The following BRWD1 variants were observed in gnomAD, a reference collection of about 807,000 sequenced individuals.
The protein encoded by BRWD1 is bromodomain and WD repeat domain containing 1, also known as bromodomain and WD repeat-containing protein 1.
Under a neutral mutation model 251.2 loss-of-function variants are expected in BRWD1, and 82 were observed. That is an observed-to-expected ratio of 0.33 (90% CI 0.27 to 0.39). The LOEUF (loss-of-function observed/expected upper bound fraction) is 0.39. Ranked by LOEUF, BRWD1 falls within the 10% of genes least tolerant of loss-of-function variation. The probability of loss-of-function intolerance (pLI) is 1.00; values close to 1 mark genes in which losing one functional copy is unlikely to be tolerated. For missense variants in BRWD1, 2,233 were observed against 2,711.6 expected (o/e 0.82, Z 3.92); for synonymous variants, 918 against 902.8 (o/e 1.02, Z -0.30).
intron 21 of BRWD1, among the ~76,000 whole-genome samples, chr21:39,245,737 T>A (rs2034165860): frequency 6.6e-6 from 1 of 151,924 alleles, no homozygotes. Flanking sequence ...ATAGCTGGGA[T>A]CACATGCACC....
chr21:39,303,072 G>T (rs893854242), intron 4 of BRWD1, among the ~76,000 whole-genome samples: 1 of 152,030 alleles, frequency 6.6e-6, no homozygotes, highest in Non-Finnish European at 1.5e-5. Context: ...AAGATTACTA[G>T]CTCAAAGCGA....
chr21:39,265,895 G>A (rs112371931), intron 15 of BRWD1, among the ~76,000 whole-genome samples: 23 of 152,302 alleles, frequency 1.5e-4, no homozygotes, highest in African/African-American at 5.5e-4. Context: ...TATCATGAGT[G>A]TAACCTTAAA....
chr21:39,238,593 A>G lies in BRWD1; in HGVS notation c.2482-20T>C. 2.6e-6 allele frequency: 4 copies of G among 1,562,468 alleles called. No homozygotes were observed. The highest frequency in any genetic ancestry group is 3.5e-6 in the Non-Finnish European group (4 of 1,133,922). ...AGTCTCCTAATTTGTGAAGGGGGGA[A>G]AAAAATCTTGATCCCTGAAGTTAAA... On this transcript the variant is annotated intron_variant, in intron 21 of 40. Transcript: ENST00000342449.
In BRWD1 at chr21:39,193,677, T is replaced by C; in HGVS notation, c.*2582A>G. On this transcript the variant is annotated 3_prime_UTR_variant, in exon 41 of 41. Coordinates refer to ENST00000342449, the MANE Select transcript of BRWD1 (RefSeq NM_033656.4). The stretch of plus-strand genomic sequence containing the variant: ...GAAAGGTACAGCACTTATTTCTGGA[T>C]CAGTTCACATTCAAATTATAACCCT... 2 of 985,546 alleles carry C rather than the reference T, an allele frequency of 2.0e-6. No individual in the cohort carries two copies. Among genetic ancestry groups the C allele is most frequent in the Non-Finnish European group, 2.4e-6 (2 of 829,686 alleles). 61.1% of individuals were successfully genotyped at this position (985,546 alleles called of 1,614,324 possible).
chr21:39,279,638 C>CAAAAAAAAAAAAAAA (rs77282416), intron 9 of BRWD1, among the ~76,000 whole-genome samples: 1 of 66,920 alleles, frequency 1.5e-5, no homozygotes, highest in Non-Finnish European at 2.5e-5. Flanking sequence ...GACTCCATCT[C>CAAAAAAAAAAAAAAA]AAAAAAAAAA....
rs1373754010 is a variant in BRWD1, at chr21:39,209,456, A to G, written c.4197+539T>C. ...GGCTAGAAAAAAAAAAAAAAGAAAA[A>G]GAAAAACCCTGTGTCATAATATTAG... is the stretch of plus-strand genomic sequence containing the variant. On this transcript the variant is annotated intron_variant, in intron 36 of 40. Coordinates refer to ENST00000342449, the MANE Select transcript of BRWD1 (RefSeq NM_033656.4). 3.3e-5 allele frequency among the ~76,000 whole-genome samples: 5 copies of G among 151,830 alleles called. No individual in the cohort carries two copies. The East Asian group carries it at 9.6e-4, about 29-fold the overall frequency.
chr21:39,200,979 G>A (rs546380853), intron 38 of BRWD1, among the ~76,000 whole-genome samples: 1 of 152,252 alleles, frequency 6.6e-6, no homozygotes, highest in African/African-American at 2.4e-5. Context: ...AAGAGACTCT[G>A]TCTCAAAAAT....
chr21:39,221,474 A>G (rs975802277), intron 29 of BRWD1, among the ~76,000 whole-genome samples: 4 of 150,680 alleles, frequency 2.7e-5, no homozygotes, highest in African/African-American at 9.7e-5. Flanking sequence ...AGCAATAAAA[A>G]CTGAAGACAC....
rs1160388339 is a variant in BRWD1 at position 39,191,343 on chromosome 21, C to T, written c.*4916G>A. The T allele has an allele frequency of 1.0e-6, 1 of 985,074 alleles. No individual in the cohort carries two copies. Among genetic ancestry groups the T allele is most frequent in the Non-Finnish European group, 1.2e-6 (1 of 829,734 alleles). 61.0% of individuals were successfully genotyped at this position (985,074 alleles called of 1,614,324 possible). A position where few individuals can be genotyped will look rare whatever the true frequency, so the allele number is the denominator to read the frequency against. On this transcript the variant is annotated 3_prime_UTR_variant, in exon 41 of 41. Coordinates refer to ENST00000342449, the MANE Select transcript of BRWD1 (RefSeq NM_033656.4). ...TACCAGTGGAAAAGAGGTTGGGGAA[C>T]CACTTGGGACAAGTCTGGAATTAAC... is the stretch of plus-strand genomic sequence containing the variant.
chr21:39,212,648 C>T lies in BRWD1; in HGVS notation c.3900+18G>A. 3 of 1,532,548 alleles carry T rather than the reference C, an allele frequency of 2.0e-6. No homozygotes were observed. The highest frequency in any genetic ancestry group is 2.7e-6 in the Non-Finnish European group (3 of 1,120,522). The allele number at this position is 1,532,548 out of a possible 1,614,324, so 94.9% of individuals were successfully genotyped here. On this transcript the variant is annotated intron_variant, in intron 34 of 40. Coordinates refer to ENST00000342449, the MANE Select transcript of BRWD1 (RefSeq NM_033656.4). Reference sequence around the variant, plus strand: ...AAGAAAAAGAAACTACAAAAGTCAACCATGCAGAGTAACTTACTCTCCTCC... The same window carrying T: ...AAGAAAAAGAAACTACAAAAGTCAATCATGCAGAGTAACTTACTCTCCTCC...
intron 21 of BRWD1, among the ~76,000 whole-genome samples, chr21:39,238,898 T>C (rs764016758): frequency 6.6e-6 from 1 of 152,236 alleles, no homozygotes; most frequent in African/African-American, 2.4e-5. Flanking sequence ...GCTATTCTAA[T>C]AGATGTATCT....
In BRWD1 at chr21:39,265,003, T is replaced by A. The variant is rs777467545; in HGVS notation, c.1547A>T (p.His516Leu). ...AAACTTACAGTCAAACACAGCTCCA[T>A]GTCCTTGTCCTTCAATCTAGGAAAC... ...HYFNMIEGQG[H>L]GAVFDCKFSQ... The change falls in exon 16 of 41, where the codon CAT becomes CTT. Residue 516 changes from histidine (H) to leucine (L), a missense_variant. Coordinates refer to ENST00000342449, the MANE Select transcript of BRWD1 (RefSeq NM_033656.4). 1 of 1,612,846 alleles carries A rather than the reference T, an allele frequency of 6.2e-7. No individual in the cohort carries two copies. Among genetic ancestry groups the A allele is most frequent in the East Asian group, 2.2e-5 (1 of 44,868 alleles).
chr21:39,287,349 T>C (rs2035672749), intron 8 of BRWD1, among the ~76,000 whole-genome samples: 1 of 152,188 alleles, frequency 6.6e-6, no homozygotes, highest in South Asian at 2.1e-4. Context: ...AAGAGATTTG[T>C]TTCACAGACT....
chr21:39,188,498 T>C lies in BRWD1; in HGVS notation c.*7761A>G, dbSNP rs1464389484. On this transcript the variant is annotated 3_prime_UTR_variant, in exon 41 of 41. Coordinates refer to ENST00000342449, the MANE Select transcript of BRWD1 (RefSeq NM_033656.4). ...ACTATCAAGTAACACTATTATTCTGTAGCAATGAAACCACCAATGCCAACC... is the reference window on the plus strand; with the variant it reads ...ACTATCAAGTAACACTATTATTCTGCAGCAATGAAACCACCAATGCCAACC... 1.0e-6 allele frequency: 1 copy of C among 985,304 alleles called. No individual in the cohort carries two copies. Among genetic ancestry groups the C allele is most frequent in the African/African-American group, 1.7e-5 (1 of 57,254 alleles). 61.0% of individuals were successfully genotyped at this position (985,304 alleles called of 1,614,324 possible). A position where few individuals can be genotyped will look rare whatever the true frequency, so the allele number is the denominator to read the frequency against.
At chr21:39,269,295 C>T (rs936062303) in intron 15 of BRWD1, among the ~76,000 whole-genome samples, 18 of 150,168 alleles carry the variant, frequency 1.2e-4, no homozygotes, top group Non-Finnish European at 2.1e-4. Flanking sequence ...GAAAAAAGGC[C>T]GGGAAAACCT....
At chr21:39,277,108 C>A in intron 11 of BRWD1, 143 bp downstream of exon 11, 1 of 471,284 alleles carries the variant, frequency 2.1e-6, no homozygotes, top group Non-Finnish European at 3.6e-6. Flanking sequence ...AACTTAATAC[C>A]ATCAAAAAGT....
In BRWD1 at chr21:39,187,322, C is replaced by A. The variant is rs1434241423; in HGVS notation, c.*8937G>T. On this transcript the variant is annotated 3_prime_UTR_variant, in exon 41 of 41. Coordinates refer to ENST00000342449, the MANE Select transcript of BRWD1 (RefSeq NM_033656.4). ...GGAACTTTCTCAGGTACCATTTTTG[C>A]TTTCAGAGTTTCACTAGGCATCTGC... The A allele has an allele frequency of 8.1e-6, 13 of 1,613,818 alleles. No individual in the cohort carries two copies. The highest frequency in any genetic ancestry group is 1.1e-5 in the Non-Finnish European group (13 of 1,179,944).
chr21:39,315,530 A>T (rs1044438826), upstream of BRWD1, among the ~76,000 whole-genome samples: 1 of 151,996 alleles, frequency 6.6e-6, no homozygotes, highest in Non-Finnish European at 1.5e-5. Flanking sequence ...GCTACTTGAG[A>T]GGCTGAGGCA....
intron 4 of BRWD1, chr21:39,312,545 C>A: frequency 3.4e-6 from 1 of 290,564 alleles, no homozygotes; most frequent in South Asian, 4.4e-5. Context: ...TGGCTGCGCA[C>A]GCCACACCCC....
Sources: gnomAD v4.1 joint callset for allele counts (sites outside exome capture counted in the v4.1 genomes callset) on GRCh38, gnomAD v4.1.1 for gene constraint, MANE v1.5 for transcripts, NCBI Gene and HGNC (gene_info 2026-07-23, HGNC 2026-07-21) for gene names.